CTSA: variants seen among roughly 807,000 people sequenced by gnomAD.
CTSA encodes lysosomal protective protein.
CTSA carries 42 observed loss-of-function variants against 66.7 expected under a neutral mutation model. The ratio of observed to expected loss-of-function variants is 0.63; its 90% CI spans 0.49 to 0.81. The LOEUF is 0.81. Ranked by LOEUF, CTSA falls within the 40% of genes least tolerant of loss-of-function variation. CTSA has a pLI of 0.00. For missense variants in CTSA, 525 were observed against 610.9 expected, an observed-to-expected ratio of 0.86 and a Z score of 1.48; for synonymous variants, 225 against 248.6, an observed-to-expected ratio of 0.91 and a Z score of 0.89.
chr20:45,896,124 G>A (rs940674732), intron 11 of CTSA, among the ~76,000 whole-genome samples: 4 of 152,150 alleles, frequency 2.6e-5, no homozygotes, highest in Non-Finnish European at 5.9e-5. Flanking sequence ...GAACCCAGGA[G>A]GCAGAGGTTG....
chr20:45,893,041 A>C, intron 6 of CTSA, 161 bp downstream of exon 6: 2 of 964,880 alleles, frequency 2.1e-6, no homozygotes, highest in Non-Finnish European at 3.2e-6. Flanking sequence ...CCCACACAGG[A>C]AACTCACCTG....
intron 11 of CTSA, among the ~76,000 whole-genome samples, chr20:45,896,000 G>T (rs1189252136): frequency 1.3e-5 from 2 of 152,188 alleles, no homozygotes; most frequent in African/African-American, 4.8e-5. Context: ...TTCGAGACCA[G>T]CCTGGCCAAC....
chr20:45,895,684 G>A (rs1451402872), intron 11 of CTSA, among the ~76,000 whole-genome samples: 3 of 151,892 alleles, frequency 2.0e-5, no homozygotes, highest in Admixed American at 2.0e-4. Context: ...AGGCTCAAGC[G>A]ATCCTCCCAC....
rs754216917 is a variant in CTSA, at chr20:45,897,724, A to G, written c.1172A>G (p.Gln391Arg). 1.2e-6 allele frequency: 2 copies of G among 1,603,874 alleles called. No homozygotes were observed. Among genetic ancestry groups the G allele is most frequent in the South Asian group, 2.2e-5 (2 of 90,888 alleles). Reference sequence around the variant, plus strand: ...TACCCCATCCTGCTTTAGAAATACCAGATCCTATTATATAATGGAGATGTA... The same window carrying G: ...TACCCCATCCTGCTTTAGAAATACCGGATCCTATTATATAATGGAGATGTA... Reference protein sequence around the residue: ...YLKLLSSQKYQILLYNGDVDM... With the variant: ...YLKLLSSQKYRILLYNGDVDM... The change falls in exon 13 of 15, where the codon CAG becomes CGG. Residue 391 changes from glutamine to arginine, a missense_variant. Gln to Arg is a conservative substitution (Grantham distance 43, BLOSUM62 1). Coordinates refer to ENST00000646241, the MANE Select transcript of CTSA (RefSeq NM_000308.4).
At chr20:45,897,463 T>G (rs1268528692) in intron 12 of CTSA, 3 of 518,924 alleles carry the variant, frequency 5.8e-6, no homozygotes, top group Non-Finnish European at 6.9e-6. Flanking sequence ...CCACATAATC[T>G]TGGGCAAATT....
Position 45,891,341 on chromosome 20 carries a change from C to A in CTSA, c.-39C>A. On this transcript the variant is annotated 5_prime_UTR_variant, in exon 1 of 15. Coordinates refer to ENST00000646241, the MANE Select transcript of CTSA (RefSeq NM_000308.4). The surrounding 1 kb of genome is among the most constrained non-coding windows in gnomAD (Gnocchi z 4.6). ...ACTCGTACACATGACTTCCAGTCCC[C>A]GGGCGCCTCCTGGAGAGCAAGGACG... 6.4e-7 allele frequency: 1 copy of A among 1,569,344 alleles called. No homozygotes were observed. Among genetic ancestry groups the A allele is most frequent in the Non-Finnish European group, 8.6e-7 (1 of 1,157,356 alleles).
chr20:45,894,318 G>A, intron 8 of CTSA: 1 of 624,734 alleles, frequency 1.6e-6, no homozygotes, highest in Non-Finnish European at 2.9e-6. Flanking sequence ...CTGCAACGTG[G>A]CAGGCACTGT....
chr20:45,894,758 G>A lies in CTSA; in HGVS notation c.869+17G>A, dbSNP rs1233084890. The A allele has an allele frequency of 6.2e-7, 1 of 1,612,758 alleles. No homozygotes were observed. The highest frequency in any genetic ancestry group is 2.2e-5 in the East Asian group (1 of 44,864). ...CCATTTTAGGTAGGTGCTGCTGGGT[G>A]CCCCTGGAGCCAACCCCAGCCCCAT... is the stretch of plus-strand genomic sequence containing the variant. On this transcript the variant is annotated intron_variant, in intron 9 of 14. Coordinates refer to ENST00000646241, the MANE Select transcript of CTSA (RefSeq NM_000308.4).
chr20:45,892,790 C>T lies in CTSA; in HGVS notation c.510C>T (p.Asn170=), dbSNP rs1253954747. The change falls in exon 6 of 15, where the codon AAC becomes AAT. Residue 170 remains asparagine (N), a synonymous_variant. Transcript: ENST00000646241. ...FFRLFPEYKN[N]KLFLTGESYA... ...GCCTCTTTCCGGAGTACAAGAACAA[C>T]AAACTTTTCCTGACCGGGGAGAGCT... The T allele has an allele frequency of 1.2e-6, 2 of 1,614,224 alleles. No homozygotes were observed. The highest frequency in any genetic ancestry group is 2.2e-5 in the South Asian group (2 of 91,084).
At chr20:45,897,885 G>A in intron 13 of CTSA, 79 bp downstream of exon 13, 1 of 1,501,618 alleles carries the variant, frequency 6.7e-7, no homozygotes, top group South Asian at 1.1e-5. Context: ...GTGGCCAGCT[G>A]GCTGCCTGGC....
intron 9 of CTSA, 22 bp downstream of exon 9, chr20:45,894,763 T>A: frequency 6.2e-7 from 1 of 1,612,918 alleles, no homozygotes; most frequent in South Asian, 1.1e-5. Flanking sequence ...TGGGTGCCCC[T>A]GGAGCCAACC....
intron 7 of CTSA, 145 bp downstream of exon 7, chr20:45,893,456 C>T (rs1987080672): frequency 2.9e-6 from 2 of 682,054 alleles, no homozygotes; most frequent in Non-Finnish European, 5.4e-6. Context: ...GCTGAAAGGC[C>T]AAAGAATAGA....
In CTSA at chr20:45,891,879, T is replaced by C; in HGVS notation, c.195-37T>C. The C allele has an allele frequency of 1.2e-6, 2 of 1,608,910 alleles. No homozygotes were observed. The highest frequency in any genetic ancestry group is 1.1e-5 in the South Asian group (1 of 90,986). On this transcript the variant is annotated intron_variant, in intron 2 of 14. Coordinates refer to ENST00000646241, the MANE Select transcript of CTSA (RefSeq NM_000308.4). This position sits in a 1 kb window ranked among gnomAD's most constrained non-coding sequence, Gnocchi z 4.6. ...AGCCGGGAGGGCTGGAAAGGGCCCC[T>C]CCAACTGCGCCAACCCTGCCCTGAC... is the stretch of plus-strand genomic sequence containing the variant.
Position 45,892,782 on chromosome 20 carries a change from A to C in CTSA, c.502A>C (p.Lys168Gln), listed in dbSNP as rs760713744. 1 of 1,614,186 alleles carries C rather than the reference A, an allele frequency of 6.2e-7. No individual in the cohort carries two copies. Among genetic ancestry groups the C allele is most frequent in the South Asian group, 1.1e-5 (1 of 91,086 alleles). The change falls in exon 6 of 15, where the codon AAG (lysine) becomes CAG (glutamine). Residue 168 changes from lysine to glutamine, a missense_variant. Lys to Gln is a moderately conservative substitution (Grantham distance 53). This residue lies in a region of CTSA where 246 missense variants were observed against 267.4 expected (regional missense o/e 0.92). Coordinates refer to ENST00000646241, the MANE Select transcript of CTSA (RefSeq NM_000308.4). ...QDFFRLFPEY[K>Q]NNKLFLTGES... ...TTTCTTCCGCCTCTTTCCGGAGTAC[A>C]AGAACAACAAACTTTTCCTGACCGG...
Position 45,893,971 on chromosome 20 carries a change from A to G in CTSA, c.693-17A>G. ...CCCACCAGCAGCTGATGCGCTTTTC[A>G]CTCTCATCTCCTACAGGCTTTGGTC... On this transcript the variant is annotated splice_polypyrimidine_tract_variant and intron_variant, in intron 7 of 14. Transcript: ENST00000646241. 1.3e-6 allele frequency: 2 copies of G among 1,553,334 alleles called. No homozygotes were observed. The highest frequency in any genetic ancestry group is 8.9e-7 in the Non-Finnish European group (1 of 1,125,920).
intron 8 of CTSA, 123 bp downstream of exon 8, chr20:45,894,195 T>A: frequency 1.3e-6 from 1 of 775,646 alleles, no homozygotes; most frequent in Non-Finnish European, 2.3e-6. Flanking sequence ...CTTTAAGCAA[T>A]TTAGTGTTCT....
chr20:45,895,261 C>T (rs1042780816), intron 11 of CTSA, 128 bp downstream of exon 11: 5 of 1,019,676 alleles, frequency 4.9e-6, no homozygotes, highest in Admixed American at 3.9e-5. Flanking sequence ...TGTTTAACAT[C>T]CATCCCTGAC....
At chr20:45,897,932 G>A in intron 13 of CTSA, 73 bp from the exon 14 acceptor site, 3 of 1,576,436 alleles carry the variant, frequency 1.9e-6, no homozygotes, top group East Asian at 2.2e-5. Flanking sequence ...GGAATTCCCA[G>A]CCCTAAGGTC....
intron 12 of CTSA, 140 bp from the exon 13 acceptor site, chr20:45,897,577 C>T (rs1371324697): frequency 1.7e-5 from 12 of 696,520 alleles, no homozygotes; most frequent in African/African-American, 3.5e-5. Flanking sequence ...TGCAGTAAGT[C>T]GTTAGAAAAC....
Sources: gnomAD v4.1 joint callset for allele counts (sites outside exome capture counted in the v4.1 genomes callset) on GRCh38, gnomAD v4.1.1 for gene constraint, gnomAD v4.1.1 regional missense constraint, Gnocchi (gnomAD v3.1) non-coding constraint, MANE v1.5 for transcripts, NCBI Gene and HGNC (gene_info 2026-07-23, HGNC 2026-07-21) for gene names.